Variants in SCMH1 observed in about 807,000 individuals in gnomAD.
SCMH1 encodes polycomb protein SCMH1.
A neutral mutation model predicts 70.8 loss-of-function variants in SCMH1; 37 were observed. The ratio of observed to expected loss-of-function variants is 0.52; its 90% CI spans 0.40 to 0.69. The LOEUF is 0.69. Ranked by LOEUF, SCMH1 falls within the 30% of genes least tolerant of loss-of-function variation. SCMH1 has a pLI of 0.00. For missense variants in SCMH1, 607 were observed against 827.3 expected (o/e 0.73, Z 3.27); for synonymous variants, 292 against 307.4 (o/e 0.95, Z 0.52).
At chr1:41,176,519 G>C (rs1009715972) in intron 2 of SCMH1, among the ~76,000 whole-genome samples, 3 of 152,230 alleles carry the variant, frequency 2.0e-5, no homozygotes, top group African/African-American at 7.2e-5. Context: ...AGGGGTGACA[G>C]ACGGCACCTG....
chr1:41,060,627 T>A (rs1652276135), intron 10 of SCMH1, among the ~76,000 whole-genome samples: 2 of 151,790 alleles, frequency 1.3e-5, no homozygotes, highest in South Asian at 4.2e-4. Context: ...AAGACAAAAT[T>A]AATTATGACC....
At chr1:41,150,971 A>T (rs1191916440) in intron 5 of SCMH1, among the ~76,000 whole-genome samples, 1 of 152,016 alleles carries the variant, frequency 6.6e-6, no homozygotes, top group African/African-American at 2.4e-5. Flanking sequence ...AACAGACAAA[A>T]TTCAAACTCA....
chr1:41,075,413 T>C (rs751730531), exon 9 of SCMH1: 1 of 1,614,086 alleles, frequency 6.2e-7, no homozygotes, highest in South Asian at 1.1e-5. Flanking sequence ...TTCTCAGTAT[T>C]CACATCGGAG....
intron 1 of SCMH1, among the ~76,000 whole-genome samples, chr1:41,222,387 A>T (rs1381664922): frequency 6.6e-6 from 1 of 152,194 alleles, no homozygotes; most frequent in Non-Finnish European, 1.5e-5. Flanking sequence ...ACAAAATCAA[A>T]CACTGGATTT....
chr1:41,126,114 T>C (rs1673122480), intron 6 of SCMH1, among the ~76,000 whole-genome samples: 1 of 152,212 alleles, frequency 6.6e-6, no homozygotes, highest in African/African-American at 2.4e-5. Context: ...TTTTCCATAT[T>C]AGAATCTTAT....
intron 6 of SCMH1, among the ~76,000 whole-genome samples, chr1:41,136,595 A>G (rs1412289397): frequency 6.6e-6 from 1 of 151,132 alleles, no homozygotes; most frequent in East Asian, 2.0e-4. Context: ...GATGGTCTCA[A>G]TCTCTTGACC....
intron 6 of SCMH1, among the ~76,000 whole-genome samples, chr1:41,131,972 A>G (rs1422688290): frequency 6.6e-6 from 1 of 152,122 alleles, no homozygotes; most frequent in Non-Finnish European, 1.5e-5. Context: ...GGTTGGTCCA[A>G]TTGTTTGCTA....
intron 2 of SCMH1, among the ~76,000 whole-genome samples, chr1:41,169,699 A>C (rs1646656436): frequency 6.6e-6 from 1 of 152,216 alleles, no homozygotes. Flanking sequence ...AGTCACCAGA[A>C]GAGTATGTCA....
intron 1 of SCMH1, among the ~76,000 whole-genome samples, chr1:41,194,236 GCT>G (rs1652446258): frequency 6.6e-6 from 1 of 152,124 alleles, no homozygotes; most frequent in Admixed American, 6.6e-5. Flanking sequence ...TTTTTCATTT[GCT>G]CTGTTTTTTG....
At chr1:41,092,538 G>A (rs373173855) in intron 8 of SCMH1, among the ~76,000 whole-genome samples, 5 of 152,010 alleles carry the variant, frequency 3.3e-5, no homozygotes, top group African/African-American at 7.2e-5. Flanking sequence ...CTAATTAAAC[G>A]AAAGAGCTTC....
intron 13 of SCMH1, among the ~76,000 whole-genome samples, chr1:41,030,649 A>G (rs1290426858): frequency 6.6e-6 from 1 of 152,052 alleles, no homozygotes; most frequent in Non-Finnish European, 1.5e-5. Context: ...CTACAATCCA[A>G]TTACCCTAGT....
At chr1:41,137,325 G>A (rs1006629568) in intron 6 of SCMH1, among the ~76,000 whole-genome samples, 1 of 151,994 alleles carries the variant, frequency 6.6e-6, no homozygotes, top group African/African-American at 2.4e-5. Flanking sequence ...TTATCATCGT[G>A]TTTTAGGAAT....
chr1:41,202,333 C>T, intron 1 of SCMH1, among the ~76,000 whole-genome samples: 1 of 145,012 alleles, frequency 6.9e-6, no homozygotes, highest in Non-Finnish European at 1.5e-5. Flanking sequence ...CGTGCCCAGC[C>T]TTTTTTTTTT....
intron 2 of SCMH1, among the ~76,000 whole-genome samples, chr1:41,176,957 G>A (rs1446158137): frequency 6.6e-6 from 1 of 152,192 alleles, no homozygotes; most frequent in African/African-American, 2.4e-5. Context: ...CTCCTCAAGT[G>A]GGTCCCTGAC....
At chr1:41,183,324 T>C (rs796392825) in intron 2 of SCMH1, among the ~76,000 whole-genome samples, 7 of 152,324 alleles carry the variant, frequency 4.6e-5, no homozygotes, top group African/African-American at 1.4e-4. Context: ...ACAAATAAGA[T>C]AAAACATGTC....
chr1:41,028,359 C>G, intron 14 of SCMH1, 40 bp from the exon 16 acceptor site: 1 of 1,609,604 alleles, frequency 6.2e-7, no homozygotes, highest in Non-Finnish European at 8.5e-7. Context: ...AAGGGAGGCA[C>G]CATCAGAGTC....
chr1:41,221,616 G>A (rs1347552005), intron 1 of SCMH1, among the ~76,000 whole-genome samples: 4 of 150,832 alleles, frequency 2.7e-5, no homozygotes, highest in Admixed American at 6.6e-5. Context: ...GCCCAGGCGC[G>A]GTGGCTCATG....
chr1:41,132,053 G>A (rs1433487812), intron 6 of SCMH1, among the ~76,000 whole-genome samples: 1 of 152,144 alleles, frequency 6.6e-6, no homozygotes, highest in Non-Finnish European at 1.5e-5. Context: ...AATCCTTTGG[G>A]TATATACCCA....
intron 2 of SCMH1, among the ~76,000 whole-genome samples, chr1:41,165,775 G>A (rs1646373214): frequency 6.6e-6 from 1 of 151,912 alleles, no homozygotes; most frequent in Non-Finnish European, 1.5e-5. Context: ...AGTATATTTC[G>A]GATATTAGTC....
Sources: gnomAD v4.1 joint callset for allele counts (sites outside exome capture counted in the v4.1 genomes callset) on GRCh38, gnomAD v4.1.1 for gene constraint, MANE v1.5 for transcripts, NCBI Gene and HGNC (gene_info 2026-07-23, HGNC 2026-07-21) for gene names.